The following C1orf210 variants were observed in gnomAD, a reference collection of about 807,000 sequenced individuals.
The protein encoded by C1orf210 is chromosome 1 open reading frame 210, also known as type III endosome membrane protein TEMP.
Under a neutral mutation model 3.7 loss-of-function variants are expected in C1orf210, and 3 were observed. The observed-to-expected ratio is 0.81, with a 90% CI of 0.37 to 2.08. The LOEUF is 2.08. C1orf210 is among the 30% of genes most tolerant of loss of function. C1orf210 has a pLI of 0.06. For synonymous variants in C1orf210, 62 were observed against 61.7 expected, an observed-to-expected ratio of 1.00 and a Z score of -0.02; for missense variants, 143 against 147.7, an observed-to-expected ratio of 0.97 and a Z score of 0.17.
chr1:43,283,194 C>G lies in C1orf210; in HGVS notation c.19+58G>C, dbSNP rs1007067290. The stretch of plus-strand genomic sequence containing the variant: ...AGCAGTGCAGGTAGGGTCCTTCCCC[C>G]AACCCCAGCATCTAAGGGGAAGCCC... On this transcript the variant is annotated intron_variant, in intron 2 of 2. Coordinates refer to ENST00000523677, the MANE Select transcript of C1orf210 (RefSeq NM_182517.3). 8 of 1,601,468 alleles carry G rather than the reference C, an allele frequency of 5.0e-6. No individual in the cohort carries two copies. In the Admixed American group the frequency reaches 8.4e-5, roughly 17 times the overall value.
In C1orf210 at chr1:43,282,419, G is replaced by GTGC. The variant is rs547534970; in HGVS notation, c.*363_*365dup. 3 of 208,564 alleles carry GTGC rather than the reference G, an allele frequency of 1.4e-5. No individual in the cohort carries two copies. The highest frequency in any genetic ancestry group is 6.9e-5 in the African/African-American group (3 of 43,432). 12.9% of individuals were successfully genotyped at this position (208,564 alleles called of 1,614,324 possible). On this transcript the variant is annotated 3_prime_UTR_variant, in exon 3 of 3. Coordinates refer to ENST00000523677, the MANE Select transcript of C1orf210 (RefSeq NM_182517.3). Reference sequence around the variant, plus strand: ...GGCAGGGGGACCAATGTGAGCAAAGGTGCCTGGGGAAACTGCATGGGAAGT... The same window carrying GTGC: ...GGCAGGGGGACCAATGTGAGCAAAGGTGCTGCCTGGGGAAACTGCATGGGAAGT...
chr1:43,283,992 C>A (rs1287312157), intron 1 of C1orf210, among the ~76,000 whole-genome samples: 1 of 152,178 alleles, frequency 6.6e-6, no homozygotes, highest in East Asian at 1.9e-4. Flanking sequence ...TCAAGCAAAC[C>A]CCTGTCCTTT....
At chr1:43,283,506 A>AAGCTGAGCCTACAGAAAC (rs1553120410) in intron 1 of C1orf210, 138 bp from the exon 2 acceptor site, 8 of 463,350 alleles carry the variant, frequency 1.7e-5, no homozygotes, top group African/African-American at 2.0e-5. Context: ...GAAGAGAAAC[A>AAGCTGAGCCTACAGAAAC]AGCTGAGCCT....
At position 43,282,650 on chromosome 1, in the gene C1orf210, TG is replaced by T; in HGVS notation, c.*134del. 1 of 753,290 alleles carries T rather than the reference TG, an allele frequency of 1.3e-6. No individual in the cohort carries two copies. The highest frequency in any genetic ancestry group is 2.2e-6 in the Non-Finnish European group (1 of 460,804). 46.7% of individuals were successfully genotyped at this position (753,290 alleles called of 1,614,324 possible). On this transcript the variant is annotated 3_prime_UTR_variant, in exon 3 of 3. Coordinates refer to ENST00000523677, the MANE Select transcript of C1orf210 (RefSeq NM_182517.3). Reference sequence around the variant, plus strand: ...ACTTTGCTGGCTAGTGTCAGGGAAGTGGGGTTTACTCCATCCCTGGCCAACC... The same window carrying T: ...ACTTTGCTGGCTAGTGTCAGGGAAGTGGGTTTACTCCATCCCTGGCCAACC...
chr1:43,284,353 G>A (rs537694525), intron 1 of C1orf210, among the ~76,000 whole-genome samples: 2 of 152,158 alleles, frequency 1.3e-5, no homozygotes, highest in South Asian at 2.1e-4. Context: ...CAGAGTAGCC[G>A]GGCTAGGGAA....
At chr1:43,284,683 A>C (rs967793891) in intron 1 of C1orf210, among the ~76,000 whole-genome samples, 7 of 152,050 alleles carry the variant, frequency 4.6e-5, no homozygotes, top group African/African-American at 1.7e-4. Flanking sequence ...CCCATGCCCC[A>C]CAGTGCCTTG....
intron 1 of C1orf210, among the ~76,000 whole-genome samples, chr1:43,283,788 C>G (rs1646561751): frequency 6.6e-6 from 1 of 152,126 alleles, no homozygotes; most frequent in Non-Finnish European, 1.5e-5. Flanking sequence ...GGATGGGAGA[C>G]AGGGGCAGAG....
At position 43,282,851 on chromosome 1, in the gene C1orf210, G is replaced by T. The variant is rs1288225507; in HGVS notation, c.276C>A (p.Asp92Glu). Residue 92 changes from aspartate (D) to glutamate (E), a missense_variant, in exon 3 of 3, where the codon GAC becomes GAA. Asp to Glu is a conservative substitution (Grantham distance 45, BLOSUM62 2). Coordinates refer to ENST00000523677, the MANE Select transcript of C1orf210 (RefSeq NM_182517.3). ...CGCCAGTCCCAGGCTGAATGTAATT[G>T]TCCTCGATGAAGCCATCATCATCCT... is the stretch of plus-strand genomic sequence containing the variant. ...EDEDDDGFIE[D>E]NYIQPGTGEL... The T allele has an allele frequency of 4.3e-6, 7 of 1,614,116 alleles. No homozygotes were observed. The South Asian group carries it at 6.6e-5, about 15-fold the overall frequency.
rs1036603211 is a variant in C1orf210 at position 43,281,968 on chromosome 1, T to C, written c.*817A>G. 6.6e-5 allele frequency: 10 copies of C among 151,860 alleles called. No homozygotes were observed. Among genetic ancestry groups the C allele is most frequent in the African/African-American group, 2.4e-4 (10 of 41,360 alleles). The allele number at this position is 151,860 out of a possible 1,614,324, so 9.4% of individuals were successfully genotyped here. A position where few individuals can be genotyped will look rare whatever the true frequency, so the allele number is the denominator to read the frequency against. On this transcript the variant is annotated 3_prime_UTR_variant, in exon 3 of 3. Transcript: ENST00000523677. The stretch of plus-strand genomic sequence containing the variant: ...TACCCACTTTATTTATAGGAAAATA[T>C]TTCATTAAGAAGCTGGCCGGGCATG...
intron 1 of C1orf210, among the ~76,000 whole-genome samples, chr1:43,284,528 A>G (rs1434861664): frequency 1.3e-5 from 2 of 152,008 alleles, no homozygotes; most frequent in Non-Finnish European, 2.9e-5. Context: ...CCACTGCCAC[A>G]GCTGAGTCCA....
At chr1:43,284,802 T>A (rs1210810409) in intron 1 of C1orf210, among the ~76,000 whole-genome samples, 1 of 152,152 alleles carries the variant, frequency 6.6e-6, no homozygotes, top group Non-Finnish European at 1.5e-5. Flanking sequence ...CCCACCCTCC[T>A]GCTCCCTGGC....
chr1:43,285,419 C>G (rs140687647), intron 1 of C1orf210, 25 bp downstream of exon 1: 1,658 of 152,620 alleles, frequency 0.011, 17 homozygotes, highest in Middle Eastern at 0.027. Context: ...CAACAAACAC[C>G]CCTCTGACAT....
chr1:43,284,435 A>G (rs967063530), intron 1 of C1orf210, among the ~76,000 whole-genome samples: 3 of 151,486 alleles, frequency 2.0e-5, no homozygotes, highest in African/African-American at 4.8e-5. Flanking sequence ...ACCCCCCCCA[A>G]CCTCCTCACA....
In C1orf210 at chr1:43,282,886, C is replaced by T. The variant is rs1455620974; in HGVS notation, c.241G>A (p.Ala81Thr). Residue 81 changes from alanine to threonine, a missense_variant, in exon 3 of 3, where the codon GCT becomes ACT. Physicochemically the swap from Ala to Thr is moderately conservative, Grantham distance 58 (BLOSUM62 0). Coordinates refer to ENST00000523677, the MANE Select transcript of C1orf210 (RefSeq NM_182517.3). ...AAGCCATCATCATCCTCATCTTCAGCCACCTGTGGGCGGCCTCCCCTTCCT... is the reference window on the plus strand; with the variant it reads ...AAGCCATCATCATCCTCATCTTCAGTCACCTGTGGGCGGCCTCCCCTTCCT... ...ETGRGGRPQV[A>T]EDEDDDGFIE... The T allele has an allele frequency of 2.5e-6, 4 of 1,613,998 alleles. No individual in the cohort carries two copies. The highest frequency in any genetic ancestry group is 2.5e-6 in the Non-Finnish European group (3 of 1,179,978).
Position 43,282,626 on chromosome 1 carries a change from CTT to C in C1orf210, c.*157_*158del, listed in dbSNP as rs1054958793. ...ATTGAGCAAGAGAGGGTCATTGTCA[CTT>C]TGCTGGCTAGTGTCAGGGAAGTGGG... On this transcript the variant is annotated 3_prime_UTR_variant, in exon 3 of 3. Coordinates refer to ENST00000523677, the MANE Select transcript of C1orf210 (RefSeq NM_182517.3). 60 of 652,570 alleles carry C rather than the reference CTT, an allele frequency of 9.2e-5. No individual in the cohort carries two copies. The Admixed American group carries it at 1.7e-3, about 19-fold the overall frequency. 40.4% of individuals were successfully genotyped at this position (652,570 alleles called of 1,614,324 possible). A position where few individuals can be genotyped will look rare whatever the true frequency, so the allele number is the denominator to read the frequency against.
chr1:43,283,407 C>G, intron 1 of C1orf210, 39 bp from the exon 2 acceptor site: 1 of 1,218,338 alleles, frequency 8.2e-7, no homozygotes, highest in South Asian at 1.5e-5. Context: ...GGGATGGTCA[C>G]AGGGTGCACT....
intron 1 of C1orf210, among the ~76,000 whole-genome samples, chr1:43,285,223 G>A (rs943962785): frequency 6.6e-6 from 1 of 152,090 alleles, no homozygotes; most frequent in Admixed American, 6.5e-5. Flanking sequence ...TCAATTTGAC[G>A]TTTCTAAGGT....
In C1orf210 at chr1:43,282,605, A is replaced by G; in HGVS notation, c.*180T>C. The G allele has an allele frequency of 1.6e-6, 1 of 616,424 alleles. No individual in the cohort carries two copies. The highest frequency in any genetic ancestry group is 2.8e-5 in the East Asian group (1 of 35,926). The allele number at this position is 616,424 out of a possible 1,614,324, so 38.2% of individuals were successfully genotyped here. Reference sequence around the variant, plus strand: ...AGCAGGGAACAGTTGAGAGTTATTGAGCAAGAGAGGGTCATTGTCACTTTG... The same window carrying G: ...AGCAGGGAACAGTTGAGAGTTATTGGGCAAGAGAGGGTCATTGTCACTTTG... On this transcript the variant is annotated 3_prime_UTR_variant, in exon 3 of 3. Coordinates refer to ENST00000523677, the MANE Select transcript of C1orf210 (RefSeq NM_182517.3).
At position 43,282,520 on chromosome 1, in the gene C1orf210, C is replaced by T. The variant is rs1268437928; in HGVS notation, c.*265G>A. ...GAAAAGAAACCAAGAGGCCGAGAGG[C>T]ATGATCACAGAGGGCCTTATGTCCA... On this transcript the variant is annotated 3_prime_UTR_variant, in exon 3 of 3. Transcript: ENST00000523677. 2.1e-5 allele frequency: 9 copies of T among 423,502 alleles called. No homozygotes were observed. Among genetic ancestry groups the T allele is most frequent in the Non-Finnish European group, 2.9e-5 (7 of 239,932 alleles). The allele number at this position is 423,502 out of a possible 1,614,324, so 26.2% of individuals were successfully genotyped here.
Sources: allele counts gnomAD v4.1 joint callset (sites outside exome capture counted in the v4.1 genomes callset), GRCh38; gene constraint gnomAD v4.1.1; transcripts MANE v1.5; gene names NCBI Gene and HGNC (gene_info 2026-07-23, HGNC 2026-07-21).